CRACDL: variants seen among roughly 807,000 people sequenced by gnomAD.
CRACDL encodes CRACD-like protein.
CRACDL carries 26 observed loss-of-function variants against 70.6 expected under a neutral mutation model. The ratio of observed to expected loss-of-function variants is 0.37; its 90% CI spans 0.27 to 0.51. The LOEUF is 0.51. Ranked by LOEUF, CRACDL falls within the 20% of genes least tolerant of loss-of-function variation. The probability of loss-of-function intolerance (pLI) is 0.94; values close to 1 mark genes in which losing one functional copy is unlikely to be tolerated. For missense variants in CRACDL, 1,283 were observed against 1,376.9 expected, an observed-to-expected ratio of 0.93 and a Z score of 1.08; for synonymous variants, 618 against 615.2, an observed-to-expected ratio of 1.00 and a Z score of -0.07.
At chr2:98,896,916 C>G (rs1479801126) in intron 1 of CRACDL, among the ~76,000 whole-genome samples, 1 of 152,180 alleles carries the variant, frequency 6.6e-6, no homozygotes, top group Non-Finnish European at 1.5e-5. Flanking sequence ...TTGGACACCC[C>G]TGGCAGGCAT....
chr2:98,926,372 G>A (rs1466469694), intron 1 of CRACDL, among the ~76,000 whole-genome samples: 5 of 152,200 alleles, frequency 3.3e-5, no homozygotes, highest in Non-Finnish European at 7.3e-5. Flanking sequence ...AACTGAGAGG[G>A]GGCTGGGCGC....
At chr2:98,855,247 C>T (rs188385480) in intron 1 of CRACDL, among the ~76,000 whole-genome samples, 1 of 150,774 alleles carries the variant, frequency 6.6e-6, no homozygotes, top group African/African-American at 2.4e-5. Context: ...GATCACACCA[C>T]TGCACTCCAG....
At position 98,794,425 on chromosome 2, in the gene CRACDL, T is replaced by TA. The variant is rs1182703677; in HGVS notation, c.*106dup. 1.0e-5 allele frequency: 11 copies of TA among 1,064,824 alleles called. No individual in the cohort carries two copies. The highest frequency in any genetic ancestry group is 2.4e-5 in the East Asian group (1 of 41,548). The allele number at this position is 1,064,824 out of a possible 1,614,324, so 66.0% of individuals were successfully genotyped here. ...CCCCAAGTTCGTCATAACTTGATGA[T>TA]AAAATCAATCTTTAAGTTTCACAGT... On this transcript the variant is annotated 3_prime_UTR_variant, in exon 10 of 10. Transcript: ENST00000397899.
At position 98,823,360 on chromosome 2, in the gene CRACDL, C is replaced by T; in HGVS notation, c.913G>A (p.Ala305Thr). Residue 305 changes from alanine to threonine, a missense_variant, in exon 7 of 10, where the codon GCC becomes ACC. Ala to Thr is a moderately conservative substitution (Grantham distance 58, BLOSUM62 0). Around this residue, in one of 2 missense-constraint regions of CRACDL, gnomAD observed 362 missense variants for 495.0 expected, o/e 0.73. Coordinates refer to ENST00000397899, the MANE Select transcript of CRACDL (RefSeq NM_207362.3). The surrounding 1 kb of genome is among the most constrained non-coding windows in gnomAD (Gnocchi z 4.0). ...TGCAGGCGGGCGCGTCTGGCACGGGCCCCTCCGGGTGGCGGCAAGGGCGCC... is the reference window on the plus strand; with the variant it reads ...TGCAGGCGGGCGCGTCTGGCACGGGTCCCTCCGGGTGGCGGCAAGGGCGCC... Reference protein sequence around the residue: ...PPAPLPPPGGARARRARLQHS... With the variant: ...PPAPLPPPGGTRARRARLQHS... 4 of 1,523,840 alleles carry T rather than the reference C, an allele frequency of 2.6e-6. No individual in the cohort carries two copies. The highest frequency in any genetic ancestry group is 1.2e-5 in the South Asian group (1 of 83,028). 94.4% of individuals were successfully genotyped at this position (1,523,840 alleles called of 1,614,324 possible). A position where few individuals can be genotyped will look rare whatever the true frequency, so the allele number is the denominator to read the frequency against.
chr2:98,935,656 T>C (rs1181191179), intron 1 of CRACDL, among the ~76,000 whole-genome samples: 2 of 152,224 alleles, frequency 1.3e-5, no homozygotes, highest in Non-Finnish European at 2.9e-5. Flanking sequence ...CGTAAACTGC[T>C]GGATTTGCCT....
intron 7 of CRACDL, among the ~76,000 whole-genome samples, chr2:98,819,695 TG>T (rs1704941631): frequency 6.6e-6 from 1 of 152,210 alleles, no homozygotes; most frequent in South Asian, 2.1e-4. Flanking sequence ...TTGTTTTGTA[TG>T]AGCTAATTTT....
intron 1 of CRACDL, among the ~76,000 whole-genome samples, chr2:98,860,471 T>C (rs1284849591): frequency 6.6e-6 from 1 of 152,172 alleles, no homozygotes; most frequent in Non-Finnish European, 1.5e-5. Context: ...AATAAACACA[T>C]ACTCTTATGG....
chr2:98,838,352 G>A, intron 2 of CRACDL, 65 bp from the exon 3 acceptor site: 4 of 864,814 alleles, frequency 4.6e-6, no homozygotes, highest in Non-Finnish European at 7.0e-6. Flanking sequence ...GTGCATGTAT[G>A]CAACAGGCAC....
intron 5 of CRACDL, among the ~76,000 whole-genome samples, chr2:98,831,364 C>CCA (rs1705535068): frequency 6.6e-6 from 1 of 152,190 alleles, no homozygotes; most frequent in African/African-American, 2.4e-5. Flanking sequence ...GTATAGGTGT[C>CCA]CACACTGAAG....
intron 1 of CRACDL, 40 bp downstream of exon 1, chr2:98,935,898 G>T (rs1310523428): frequency 6.6e-6 from 1 of 151,810 alleles, no homozygotes; most frequent in Non-Finnish European, 1.5e-5. Flanking sequence ...TTCGACCCAC[G>T]CCTGCCTTGG....
At chr2:98,821,400 G>A (rs1465555262) in intron 7 of CRACDL, among the ~76,000 whole-genome samples, 2 of 152,158 alleles carry the variant, frequency 1.3e-5, no homozygotes, top group African/African-American at 2.4e-5. Flanking sequence ...CCAGGTTGGT[G>A]TTGAACTCCT....
chr2:98,856,500 CTT>C (rs1262889981), intron 1 of CRACDL, among the ~76,000 whole-genome samples: 1 of 152,104 alleles, frequency 6.6e-6, no homozygotes, highest in Non-Finnish European at 1.5e-5. Context: ...CAAGCAGTAA[CTT>C]GAATCTACAC....
At chr2:98,795,319 G>T (rs1458494370) in intron 9 of CRACDL, among the ~76,000 whole-genome samples, 2 of 151,712 alleles carry the variant, frequency 1.3e-5, no homozygotes, top group Admixed American at 6.6e-5. Context: ...CAGGTGATCT[G>T]CCCGACTCGG....
intron 7 of CRACDL, among the ~76,000 whole-genome samples, chr2:98,802,964 T>A (rs1224176917): frequency 4.3e-4 from 65 of 151,778 alleles, no homozygotes; most frequent in Non-Finnish European, 2.9e-5. Flanking sequence ...GCCTCCTGAG[T>A]AGCTGGAATT....
At chr2:98,828,827 G>T (rs527292953) in intron 5 of CRACDL, among the ~76,000 whole-genome samples, 1 of 152,298 alleles carries the variant, frequency 6.6e-6, no homozygotes, top group Non-Finnish European at 1.5e-5. Flanking sequence ...AAGTCTCCTG[G>T]CAACAAGTAC....
rs1706087542 is a variant in CRACDL at position 98,842,794 on chromosome 2, T to C, written c.70+3937A>G. 2.6e-5 allele frequency among the ~76,000 whole-genome samples: 4 copies of C among 152,162 alleles called. No homozygotes were observed. In the South Asian group the frequency reaches 8.3e-4, roughly 31 times the overall value. ...CCATTGTGTGGATATACCAGTTTGT[T>C]GAACCATTTCAACCTGCTGAAAGAC... is the stretch of plus-strand genomic sequence containing the variant. On this transcript the variant is annotated intron_variant, in intron 2 of 9. Coordinates refer to ENST00000397899, the MANE Select transcript of CRACDL (RefSeq NM_207362.3).
intron 2 of CRACDL, among the ~76,000 whole-genome samples, chr2:98,844,940 A>C (rs541375625): frequency 3.3e-5 from 5 of 152,200 alleles, no homozygotes; most frequent in African/African-American, 1.2e-4. Context: ...ACAAATCTAC[A>C]AAAGGGTTGG....
intron 8 of CRACDL, among the ~76,000 whole-genome samples, 182 bp from the exon 9 acceptor site, chr2:98,796,446 A>G (rs1455847029): frequency 6.6e-6 from 1 of 152,242 alleles, no homozygotes; most frequent in Non-Finnish European, 1.5e-5. Context: ...CGCTGGGACC[A>G]GTATGCGGCC....
At chr2:98,830,370 G>A (rs1372750702) in intron 5 of CRACDL, among the ~76,000 whole-genome samples, 4 of 152,202 alleles carry the variant, frequency 2.6e-5, no homozygotes, top group Non-Finnish European at 5.9e-5. Context: ...GTGGGCCTGT[G>A]TGTAAGCCTG....
Sources: allele counts gnomAD v4.1 joint callset (sites outside exome capture counted in the v4.1 genomes callset), GRCh38; gene constraint gnomAD v4.1.1; regional missense constraint gnomAD v4.1.1; non-coding constraint Gnocchi (gnomAD v3.1); transcripts MANE v1.5; gene names NCBI Gene and HGNC (gene_info 2026-07-23, HGNC 2026-07-21).